GGT1: variants seen among roughly 807,000 people sequenced by gnomAD.
GGT1 encodes gamma-glutamyltransferase 1, also known as glutathione hydrolase 1 proenzyme.
GGT1 carries 21 observed loss-of-function variants against 56.0 expected under a neutral mutation model. That is an observed-to-expected ratio of 0.38 (90% confidence interval 0.27 to 0.54). The LOEUF (loss-of-function observed/expected upper bound fraction) is 0.54, where lower values mean the gene tolerates loss of function less well. GGT1 is among the 20% of genes least tolerant of loss of function. The pLI, the probability that GGT1 is intolerant of heterozygous loss-of-function variation, is 0.82. For synonymous variants in GGT1, 238 were observed against 342.6 expected, an observed-to-expected ratio of 0.69 and a Z score of 3.37; for missense variants, 466 against 787.0, an observed-to-expected ratio of 0.59 and a Z score of 4.88.
the GGT1 span, chr22:24,588,534 G>C: frequency 1.3e-6 from 1 of 751,096 alleles, no homozygotes; most frequent in Non-Finnish European, 2.1e-6. Context: ...CCCTCTGGGA[G>C]CTGGACAGGC....
Position 24,611,097 on chromosome 22 carries a change from G to C in GGT1, c.16G>C (p.Val6Leu), listed in dbSNP as rs2046628731. 6.2e-7 allele frequency: 1 copy of C among 1,603,808 alleles called. No homozygotes were observed. The highest frequency in any genetic ancestry group is 1.3e-5 in the African/African-American group (1 of 74,788). The part of the protein sequence containing the change: MKKKL[V>L]VLGLLAVVLV... ...CAGCAGAGCCATGAAGAAGAAGTTAGTGGTGCTGGGCCTGCTGGCCGTGGT... is the reference window on the plus strand; with the variant it reads ...CAGCAGAGCCATGAAGAAGAAGTTACTGGTGCTGGGCCTGCTGGCCGTGGT... Residue 6 changes from valine to leucine, a missense_variant, in exon 5 of 16, where the codon GTG (valine) becomes CTG (leucine). Val to Leu is a conservative substitution (Grantham distance 32). This residue lies in a region of GGT1 where 456 missense variants were observed against 716.7 expected (regional missense o/e 0.64). Coordinates refer to ENST00000400382, the MANE Select transcript of GGT1 (RefSeq NM_001288833.2).
intron 5 of GGT1, among the ~76,000 whole-genome samples, chr22:24,613,402 G>A (rs2046840996): frequency 6.6e-6 from 1 of 151,988 alleles, no homozygotes; most frequent in Non-Finnish European, 1.5e-5. Flanking sequence ...ATAAAGTATA[G>A]CAATTTCCCT....
In GGT1 at chr22:24,611,194, A is replaced by G. The variant is rs1481575672; in HGVS notation, c.113A>G (p.Tyr38Cys). The change falls in exon 5 of 16, where the codon TAC becomes TGC. Residue 38 changes from tyrosine (Y) to cysteine (C), a missense_variant. Physicochemically the swap from Tyr to Cys is radical, Grantham distance 194 (BLOSUM62 -2). This residue lies in a region of GGT1 where 456 missense variants were observed against 716.7 expected (regional missense o/e 0.64). Coordinates refer to ENST00000400382, the MANE Select transcript of GGT1 (RefSeq NM_001288833.2). ...TCCAAGGAACCTGACAACCATGTGT[A>G]CACCAGGGCTGCCGTGGCCGCGGAT... ...SASKEPDNHV[Y>C]TRAAVAADAK... The G allele has an allele frequency of 6.3e-7, 1 of 1,588,154 alleles. No homozygotes were observed. The highest frequency in any genetic ancestry group is 2.3e-5 in the East Asian group (1 of 43,902).
intron 9 of GGT1, 100 bp downstream of exon 9, chr22:24,621,170 C>T (rs1250912545): frequency 6.7e-7 from 1 of 1,483,042 alleles, no homozygotes; most frequent in Non-Finnish European, 9.0e-7. Context: ...CCTGAGCCTG[C>T]AGGAAGTTCC....
the GGT1 span, chr22:24,585,707 C>T: frequency 1.4e-6 from 1 of 712,986 alleles, no homozygotes; most frequent in Non-Finnish European, 2.3e-6. Context: ...AAGGCTGAGC[C>T]TCTAGCCAGG....
chr22:24,591,934 A>C (rs934731401), upstream of GGT1, among the ~76,000 whole-genome samples: 1 of 152,194 alleles, frequency 6.6e-6, no homozygotes, highest in Non-Finnish European at 1.5e-5. Flanking sequence ...GAGGTGGAGA[A>C]GGGAAGGGAG....
At chr22:24,606,000 T>TAC (rs2046276006) in intron 1 of GGT1, among the ~76,000 whole-genome samples, 5 of 56,434 alleles carry the variant, frequency 8.9e-5, no homozygotes, top group African/African-American at 2.6e-4. Flanking sequence ...TTATATAATT[T>TAC]ATATAATATA....
Position 24,620,893 on chromosome 22 carries a change from A to T in GGT1, c.576-20A>T, listed in dbSNP as rs367750553. On this transcript the variant is annotated intron_variant, in intron 8 of 15. Coordinates refer to ENST00000400382, the MANE Select transcript of GGT1 (RefSeq NM_001288833.2). This position sits in a 1 kb window ranked among gnomAD's most constrained non-coding sequence, Gnocchi z 5.6. Reference sequence around the variant, plus strand: ...GAGTCCACCCCACCTGCTGCCTCACATGAGCCCCCTCTGCCCCAGTGAGGT... The same window carrying T: ...GAGTCCACCCCACCTGCTGCCTCACTTGAGCCCCCTCTGCCCCAGTGAGGT... 1 of 1,611,254 alleles carries T rather than the reference A, an allele frequency of 6.2e-7. No individual in the cohort carries two copies. The highest frequency in any genetic ancestry group is 8.5e-7 in the Non-Finnish European group (1 of 1,179,538).
At chr22:24,593,132 C>A (rs937795241), upstream of GGT1, 7 of 1,002,532 alleles carry the variant, frequency 7.0e-6, no homozygotes, top group African/African-American at 1.0e-4. Context: ...CTCCAATCAC[C>A]GCGGCCCTGC....
the GGT1 span, chr22:24,585,567 T>G: frequency 2.4e-6 from 1 of 409,034 alleles, no homozygotes; most frequent in Non-Finnish European, 4.4e-6. Flanking sequence ...ACAGCCACCC[T>G]TTCTCCCCAC....
chr22:24,622,884 G>C (rs1040996092), intron 9 of GGT1, among the ~76,000 whole-genome samples: 1 of 152,188 alleles, frequency 6.6e-6, no homozygotes, highest in Non-Finnish European at 1.5e-5. Flanking sequence ...CAGGAGTGCC[G>C]GAGCTGATGA....
At position 24,605,407 on chromosome 22, in the gene GGT1, T is replaced by C. The variant is rs187345758; in HGVS notation, c.-429+1880T>C. Among the ~76,000 whole-genome samples, 179 of 82,928 alleles carry C rather than the reference T, an allele frequency of 2.2e-3. 15 individuals are homozygous for C. Among genetic ancestry groups the C allele is most frequent in the Non-Finnish European group, 2.6e-3 (130 of 49,484 alleles). 54.4% of individuals were successfully genotyped at this position (82,928 alleles called of 152,430 possible). A position where few individuals can be genotyped will look rare whatever the true frequency, so the allele number is the denominator to read the frequency against. On this transcript the variant is annotated intron_variant, in intron 1 of 15. Transcript: ENST00000400382. ...ATAATATGTATTATATATTATATAA[T>C]ATTATATAATATGTATTATATATTA...
chr22:24,588,569 G>A, the GGT1 span: 24 of 843,314 alleles, frequency 2.8e-5, no homozygotes, highest in Middle Eastern at 3.9e-4. Flanking sequence ...AGTGCCCGGC[G>A]GGAGGAAGCC....
chr22:24,621,333 C>T (rs2047397577), intron 9 of GGT1, among the ~76,000 whole-genome samples: 1 of 152,060 alleles, frequency 6.6e-6, no homozygotes, highest in South Asian at 2.1e-4. Flanking sequence ...TAGAATACAG[C>T]CTGAAGATCC....
chr22:24,588,465 G>A, the GGT1 span: 2 of 791,200 alleles, frequency 2.5e-6, no homozygotes, highest in East Asian at 5.4e-5. Context: ...TGCCCACCAG[G>A]GCCTCCCCCT....
At chr22:24,588,290 G>A in the GGT1 span, 1 of 1,613,636 alleles carries the variant, frequency 6.2e-7, no homozygotes, top group Non-Finnish European at 8.5e-7. Context: ...TAGATGAGCT[G>A]TCGGCAGATC....
intron 2 of GGT1, chr22:24,609,609 G>C (rs4049901): frequency 3.8e-5 from 10 of 264,886 alleles, no homozygotes; most frequent in Non-Finnish European, 5.5e-5. Context: ...ACTGGGACAG[G>C]GTGGAGTGGA....
At chr22:24,596,585 C>T (rs551059936) in intron 1 of GGT1, among the ~76,000 whole-genome samples, 2 of 152,102 alleles carry the variant, frequency 1.3e-5, no homozygotes, top group African/African-American at 2.4e-5. Context: ...CCACCATGCC[C>T]GGCTCACATG....
chr22:24,612,280 TTC>T (rs1306084223), intron 5 of GGT1, among the ~76,000 whole-genome samples: 3 of 146,102 alleles, frequency 2.1e-5, no homozygotes, highest in Non-Finnish European at 4.5e-5. Flanking sequence ...AGGAGACAAT[TTC>T]TTTCTTTCTT....
Sources: gnomAD v4.1 joint callset for allele counts (sites outside exome capture counted in the v4.1 genomes callset) on GRCh38, gnomAD v4.1.1 for gene constraint, gnomAD v4.1.1 regional missense constraint, Gnocchi (gnomAD v3.1) non-coding constraint, MANE v1.5 for transcripts, NCBI Gene and HGNC (gene_info 2026-07-23, HGNC 2026-07-21) for gene names.